ZNF345: variants seen among roughly 807,000 people sequenced by gnomAD.
ZNF345 encodes zinc finger protein HZF10.
For synonymous variants in ZNF345, 166 were observed against 187.9 expected, an observed-to-expected ratio of 0.88 and a Z score of 0.95; for missense variants, 527 against 589.9, an observed-to-expected ratio of 0.89 and a Z score of 1.10.
At chr19:36,891,923 G>T in intron 3 of ZNF345, 1 of 1,613,982 alleles carries the variant, frequency 6.2e-7, no homozygotes, top group Non-Finnish European at 8.5e-7. Context: ...TCACCAGTAT[G>T]AATTCTCAGA....
At chr19:36,866,065 T>C (rs1326815162) in intron 2 of ZNF345, among the ~76,000 whole-genome samples, 1 of 152,184 alleles carries the variant, frequency 6.6e-6, no homozygotes, top group African/African-American at 2.4e-5. Flanking sequence ...TTGCTAGAGT[T>C]TTATTTAGGG....
At chr19:36,889,258 TTG>T (rs1374474170) in intron 3 of ZNF345, 2 of 152,302 alleles carry the variant, frequency 1.3e-5, no homozygotes, top group African/African-American at 2.4e-5. Flanking sequence ...TGTAGTTTTT[TTG>T]TGTGTTTTAT....
chr19:36,877,431 C>T lies in ZNF345; in HGVS notation c.601C>T (p.Pro201Ser), dbSNP rs779148532. 1 of 1,613,862 alleles carries T rather than the reference C, an allele frequency of 6.2e-7. No individual in the cohort carries two copies. Among genetic ancestry groups the T allele is most frequent in the East Asian group, 2.2e-5 (1 of 44,866 alleles). Residue 201 changes from proline to serine, a missense_variant, in exon 3 of 3, where the codon CCT (proline) becomes TCT (serine). Physicochemically the swap from Pro to Ser is moderately conservative, Grantham distance 74. Coordinates refer to ENST00000420450, the MANE Select transcript of ZNF345 (RefSeq NM_001242472.2). ...TCACAGAATTCACACAGGTGAGAAA[C>T]CTTATGAATGTATAGATTGTGGTAA... ...RHHRIHTGEKPYECIDCGKAF... is the reference protein window; with the variant it reads ...RHHRIHTGEKSYECIDCGKAF...
chr19:36,892,418 T>C (rs2073065863), intron 3 of ZNF345: 1 of 1,609,612 alleles, frequency 6.2e-7, no homozygotes, highest in Non-Finnish European at 8.5e-7. Flanking sequence ...ATTACTTGAC[T>C]GAAATGTCTC....
intron 3 of ZNF345, chr19:36,891,324 C>G (rs757550264): frequency 1.4e-4 from 89 of 616,958 alleles, no homozygotes; most frequent in Admixed American, 2.9e-4. Context: ...GAATAAATTT[C>G]TCTTGTTTTA....
intron 2 of ZNF345, among the ~76,000 whole-genome samples, 183 bp from the exon 3 acceptor site, chr19:36,876,602 T>A (rs1390265716): frequency 6.6e-6 from 1 of 152,186 alleles, no homozygotes; most frequent in Non-Finnish European, 1.5e-5. Flanking sequence ...TAGTCTGACT[T>A]TTACTCATTT....
chr19:36,853,265 T>TTTTTTTTTTGA (rs34281526), intron 2 of ZNF345, among the ~76,000 whole-genome samples: 1 of 147,184 alleles, frequency 6.8e-6, no homozygotes, highest in Non-Finnish European at 1.5e-5. Flanking sequence ...TTTTTTTTTT[T>TTTTTTTTTTGA]GACTCGAAGT....
chr19:36,865,523 C>T (rs972690492), intron 2 of ZNF345, among the ~76,000 whole-genome samples: 1 of 152,068 alleles, frequency 6.6e-6, no homozygotes, highest in African/African-American at 2.4e-5. Context: ...TGTAGTAGTT[C>T]GATCTCGGCT....
intron 3 of ZNF345, chr19:36,892,360 A>G: frequency 6.2e-7 from 1 of 1,613,706 alleles, no homozygotes; most frequent in South Asian, 1.1e-5. Context: ...TTGAGGTGGA[A>G]TAAGAAATGT....
At chr19:36,882,236 A>C (rs923554560), downstream of ZNF345, among the ~76,000 whole-genome samples, 6 of 151,898 alleles carry the variant, frequency 4.0e-5, no homozygotes, top group African/African-American at 1.5e-4. Context: ...AGGCTACAAG[A>C]TTTCCTTTGA....
chr19:36,865,539 C>A (rs1250293666), intron 2 of ZNF345, among the ~76,000 whole-genome samples: 1 of 152,170 alleles, frequency 6.6e-6, no homozygotes, highest in Admixed American at 6.6e-5. Context: ...CGGCTCACTG[C>A]AACCTCCACC....
At chr19:36,891,736 T>C (rs2073055238) in intron 3 of ZNF345, 1 of 1,614,142 alleles carries the variant, frequency 6.2e-7, no homozygotes, top group South Asian at 1.1e-5. Flanking sequence ...TTCACATTCA[T>C]AGAGCTTCTC....
Position 36,877,523 on chromosome 19 carries a change from A to G in ZNF345, c.693A>G (p.Glu231=). 6.2e-7 allele frequency: 1 copy of G among 1,614,182 alleles called. No homozygotes were observed. Among genetic ancestry groups the G allele is most frequent in the Non-Finnish European group, 8.5e-7 (1 of 1,180,022 alleles). ...TTCATACTGGTGAGAAACCTTATGA[A>G]TGCAAAGCATGTGGAATGGCCTTTA... ...RRIHTGEKPY[E]CKACGMAFSS... is the part of the protein sequence containing the mutation. The change falls in exon 3 of 3, where the codon GAA becomes GAG. Residue 231 remains glutamate, a synonymous_variant. Coordinates refer to ENST00000420450, the MANE Select transcript of ZNF345 (RefSeq NM_001242472.2).
chr19:36,857,235 G>A (rs2072438106), intron 2 of ZNF345, among the ~76,000 whole-genome samples: 1 of 151,730 alleles, frequency 6.6e-6, no homozygotes, highest in African/African-American at 2.4e-5. Context: ...GCTAGTGCTT[G>A]TTTTTTTCCT....
chr19:36,891,378 T>C (rs2146222339), intron 3 of ZNF345: 3 of 1,139,102 alleles, frequency 2.6e-6, no homozygotes, highest in South Asian at 4.4e-5. Flanking sequence ...ATCGTATCGT[T>C]TAAAAACGAA....
intron 2 of ZNF345, among the ~76,000 whole-genome samples, chr19:36,852,946 GTGT>G (rs1341146420): frequency 6.6e-6 from 1 of 150,416 alleles, no homozygotes; most frequent in Admixed American, 6.6e-5. Flanking sequence ...CTTTTATAAG[GTGT>G]TGTTCAAATA....
intron 2 of ZNF345, among the ~76,000 whole-genome samples, chr19:36,857,628 A>G (rs564622289): frequency 6.6e-6 from 1 of 151,578 alleles, no homozygotes; most frequent in Non-Finnish European, 1.5e-5. Flanking sequence ...CTTCCAAAAT[A>G]ATTTCATATT....
chr19:36,880,746 C>G (rs1028928498), downstream of ZNF345, among the ~76,000 whole-genome samples: 28 of 152,080 alleles, frequency 1.8e-4, no homozygotes, highest in African/African-American at 6.8e-4. Flanking sequence ...CCACTGCACT[C>G]CAGCCTGGAA....
rs139195642 is a variant in ZNF345 at position 36,877,352 on chromosome 19, T to C, written c.522T>C (p.Tyr174=). ...HQIIHSGEKP[Y]ECKECGKSFS... ...TCATTCACAGTGGTGAGAAGCCTTA[T>C]GAGTGTAAGGAATGTGGGAAGTCCT... Residue 174 remains tyrosine (Y), a synonymous_variant, in exon 3 of 3, where the codon TAT becomes TAC. Coordinates refer to ENST00000420450, the MANE Select transcript of ZNF345 (RefSeq NM_001242472.2). 6.2e-7 allele frequency: 1 copy of C among 1,614,190 alleles called. No homozygotes were observed. The highest frequency in any genetic ancestry group is 1.1e-5 in the South Asian group (1 of 91,076).
Sources: allele counts gnomAD v4.1 joint callset (sites outside exome capture counted in the v4.1 genomes callset), GRCh38; gene constraint gnomAD v4.1.1; transcripts MANE v1.5; gene names NCBI Gene and HGNC (gene_info 2026-07-23, HGNC 2026-07-21).